The following CNTNAP4 variants were observed in gnomAD, a reference collection of about 807,000 sequenced individuals.
The protein encoded by CNTNAP4 is contactin associated protein family member 4.
A neutral mutation model predicts 148.4 loss-of-function variants in CNTNAP4; 98 were observed. That is an observed-to-expected ratio of 0.66 (90% CI 0.56 to 0.78). The LOEUF is 0.78. CNTNAP4 is among the 30% of genes least tolerant of loss of function. The pLI, the probability that CNTNAP4 is intolerant of heterozygous loss-of-function variation, is 0.00. For synonymous variants in CNTNAP4, 730 were observed against 565.1 expected (o/e 1.29, Z -4.14); for missense variants, 1,935 against 1,565.6 (o/e 1.24, Z -3.98).
At chr16:76,501,803 G>A (rs866223904) in intron 15 of CNTNAP4, among the ~76,000 whole-genome samples, 1 of 152,202 alleles carries the variant, frequency 6.6e-6, no homozygotes, top group South Asian at 2.1e-4. Context: ...GGGCGCGGTG[G>A]CTCACGCCTG....
chr16:76,534,029 CAT>C (rs1284607869), intron 17 of CNTNAP4, among the ~76,000 whole-genome samples: 1 of 152,148 alleles, frequency 6.6e-6, no homozygotes, highest in Admixed American at 6.6e-5. Flanking sequence ...GGTTCCTTTT[CAT>C]AGTCTTTCAT....
chr16:76,445,313 A>G (rs2080199238), intron 4 of CNTNAP4, among the ~76,000 whole-genome samples: 1 of 152,148 alleles, frequency 6.6e-6, no homozygotes, highest in Admixed American at 6.6e-5. Context: ...GCTTTTATGA[A>G]CTTAGTTGTT....
chr16:76,324,876 C>A (rs528786589), intron 2 of CNTNAP4, among the ~76,000 whole-genome samples: 1 of 152,286 alleles, frequency 6.6e-6, no homozygotes, highest in South Asian at 2.1e-4. Flanking sequence ...AACCTAATTA[C>A]CTCCCAAAGG....
chr16:76,529,246 T>TTG (rs756488063), intron 17 of CNTNAP4, among the ~76,000 whole-genome samples: 103 of 151,572 alleles, frequency 6.8e-4, no homozygotes, highest in East Asian at 4.3e-3. Context: ...ACTTTGTCCT[T>TTG]TGTGTGTGTG....
At chr16:76,537,505 C>A (rs1466629750) in intron 18 of CNTNAP4, among the ~76,000 whole-genome samples, 1 of 151,972 alleles carries the variant, frequency 6.6e-6, no homozygotes, top group Non-Finnish European at 1.5e-5. Flanking sequence ...TAATCTCATA[C>A]CAGGAAAATA....
intron 1 of CNTNAP4, among the ~76,000 whole-genome samples, chr16:76,291,058 A>G (rs1959095131): frequency 6.6e-6 from 1 of 152,128 alleles, no homozygotes; most frequent in Admixed American, 6.5e-5. Flanking sequence ...TCATTTAAAC[A>G]TAATTGCCTC....
intron 10 of CNTNAP4, among the ~76,000 whole-genome samples, chr16:76,471,096 A>G (rs1410586769): frequency 6.6e-6 from 1 of 151,952 alleles, no homozygotes; most frequent in Non-Finnish European, 1.5e-5. Flanking sequence ...CCCTACGCAA[A>G]CACACACAAA....
intron 1 of CNTNAP4, among the ~76,000 whole-genome samples, chr16:76,279,033 TG>T (rs1958587305): frequency 1.3e-5 from 2 of 152,312 alleles, no homozygotes; most frequent in African/African-American, 4.8e-5. Context: ...GTCAATAAAA[TG>T]TATAATTTCA....
chr16:76,440,087 T>C (rs1285022534), intron 4 of CNTNAP4, among the ~76,000 whole-genome samples: 2 of 152,194 alleles, frequency 1.3e-5, no homozygotes, highest in African/African-American at 2.4e-5. Context: ...ATAAACAGTA[T>C]GATCAGTGTT....
chr16:76,377,204 A>G (rs1206717365), intron 3 of CNTNAP4, among the ~76,000 whole-genome samples: 2 of 152,130 alleles, frequency 1.3e-5, no homozygotes, highest in Admixed American at 1.3e-4. Flanking sequence ...CACCCATACT[A>G]TGAAGATAAT....
rs571306312 is a variant in CNTNAP4 at position 76,330,114 on chromosome 16, A to G, written c.196+13591A>G. Among the ~76,000 whole-genome samples, 67 of 152,268 alleles carry G rather than the reference A, an allele frequency of 4.4e-4. 1 individual carries two copies. In the South Asian group the frequency reaches 0.012, roughly 26 times the overall value. On this transcript the variant is annotated intron_variant, in intron 2 of 23. Transcript: ENST00000611870. Reference sequence around the variant, plus strand: ...CCTGCAAGGTGTTTTTTCTCACTTTATCAACTTAAGTTAAATACATCACCT... The same window carrying G: ...CCTGCAAGGTGTTTTTTCTCACTTTGTCAACTTAAGTTAAATACATCACCT...
chr16:76,536,765 G>C (rs1322308446), intron 18 of CNTNAP4, among the ~76,000 whole-genome samples: 2 of 152,156 alleles, frequency 1.3e-5, no homozygotes, highest in Non-Finnish European at 2.9e-5. Flanking sequence ...GAAAAGAACA[G>C]TTGTAGGATT....
intron 15 of CNTNAP4, among the ~76,000 whole-genome samples, chr16:76,510,802 G>A (rs564756337): frequency 2.6e-5 from 4 of 152,098 alleles, no homozygotes; most frequent in Non-Finnish European, 5.9e-5. Context: ...TAACACTTCA[G>A]AAGTAAACTA....
intron 15 of CNTNAP4, among the ~76,000 whole-genome samples, chr16:76,515,203 A>G (rs1366957554): frequency 6.6e-6 from 1 of 152,222 alleles, no homozygotes; most frequent in Non-Finnish European, 1.5e-5. Context: ...AGAAAGGACT[A>G]GTATATAGAA....
chr16:76,301,971 G>T (rs529366268), intron 1 of CNTNAP4, among the ~76,000 whole-genome samples: 7 of 152,028 alleles, frequency 4.6e-5, no homozygotes, highest in Non-Finnish European at 8.8e-5. Context: ...ACATCAAAAA[G>T]CCACCTCTCG....
intron 13 of CNTNAP4, among the ~76,000 whole-genome samples, chr16:76,492,942 T>C (rs2340274): frequency 0.8 from 121,081 of 151,008 alleles, 49,929 homozygotes; most frequent in East Asian, 0.96. Flanking sequence ...CCAGTTGTGC[T>C]TGCACACTTT....
intron 4 of CNTNAP4, among the ~76,000 whole-genome samples, chr16:76,443,830 G>A (rs2080136387): frequency 6.6e-6 from 1 of 151,988 alleles, no homozygotes; most frequent in Admixed American, 6.6e-5. Flanking sequence ...CATTGCTGTT[G>A]CTTTTTTAAG....
intron 4 of CNTNAP4, among the ~76,000 whole-genome samples, chr16:76,428,269 A>G (rs1243632322): frequency 6.6e-6 from 1 of 152,174 alleles, no homozygotes; most frequent in East Asian, 1.9e-4. Flanking sequence ...CCTGTTAGAT[A>G]CACTTTTATT....
In CNTNAP4 at chr16:76,535,702, T is replaced by C. The variant is rs1330762089; in HGVS notation, c.2913T>C (p.Asn971=). The C allele has an allele frequency of 1.2e-6, 2 of 1,613,920 alleles. No homozygotes were observed. The highest frequency in any genetic ancestry group is 2.2e-5 in the South Asian group (2 of 91,088). The change falls in exon 18 of 24, where the codon AAT becomes AAC. Residue 971 remains asparagine, a synonymous_variant. Coordinates refer to ENST00000611870, the MANE Select transcript of CNTNAP4 (RefSeq NM_033401.5). ...GCAGCTATGGGAAGTTATGCCGCAA[T>C]GGAGGGAAATGCAGAGAAAGACCCA... ...HCSSYGKLCR[N]GGKCRERPIG... is the part of the protein sequence containing the mutation.
Sources: gnomAD v4.1 joint callset for allele counts (sites outside exome capture counted in the v4.1 genomes callset) on GRCh38, gnomAD v4.1.1 for gene constraint, MANE v1.5 for transcripts, NCBI Gene and HGNC (gene_info 2026-07-23, HGNC 2026-07-21) for gene names.